Variants in BRINP1 observed in about 807,000 individuals in gnomAD.
BRINP1 encodes the protein BMP/retinoic acid inducible neural specific 1, also known as BMP/retinoic acid-inducible neural-specific protein 1.
A neutral mutation model predicts 72.9 loss-of-function variants in BRINP1; 17 were observed. The ratio of observed to expected loss-of-function variants is 0.23; its 90% CI spans 0.16 to 0.35. The LOEUF (loss-of-function observed/expected upper bound fraction) is 0.35, where lower values mean the gene tolerates loss of function less well. Ranked by LOEUF, BRINP1 falls within the 10% of genes least tolerant of loss-of-function variation. BRINP1 has a pLI of 1.00. For missense variants in BRINP1, 850 were observed against 1,001.6 expected (o/e 0.85, Z 2.04); for synonymous variants, 418 against 378.5 (o/e 1.10, Z -1.21).
chr9:119,361,848 G>C lies in BRINP1; in HGVS notation c.-51+7208C>G, dbSNP rs558674585. ...AGACAGAGTCTCGCTCTGTCGCCCA[G>C]GCTGGAGTGCAGTGGTGCGATCTCA... is the stretch of plus-strand genomic sequence containing the variant. On this transcript the variant is annotated intron_variant, in intron 1 of 7. Coordinates refer to ENST00000265922, the MANE Select transcript of BRINP1 (RefSeq NM_014618.3). Among the ~76,000 whole-genome samples the C allele has an allele frequency of 7.6e-4, 111 of 145,350 alleles. 2 individuals are homozygous for C. The highest frequency in any genetic ancestry group is 2.6e-3 in the African/African-American group (100 of 38,242).
chr9:119,311,141 C>G (rs1428538194), intron 2 of BRINP1, among the ~76,000 whole-genome samples: 1 of 152,168 alleles, frequency 6.6e-6, no homozygotes, highest in Non-Finnish European at 1.5e-5. Flanking sequence ...ATGACAGCAA[C>G]TACTATATTT....
intron 3 of BRINP1, among the ~76,000 whole-genome samples, chr9:119,242,763 G>C (rs1160281455): frequency 1.3e-5 from 2 of 152,168 alleles, no homozygotes; most frequent in Non-Finnish European, 1.5e-5. Context: ...ATGAATGATA[G>C]ACATGTTTAA....
At chr9:119,316,370 G>A (rs1350568331) in intron 1 of BRINP1, among the ~76,000 whole-genome samples, 1 of 152,210 alleles carries the variant, frequency 6.6e-6, no homozygotes, top group Non-Finnish European at 1.5e-5. Flanking sequence ...TTACAGGCGT[G>A]AGCCACCGTG....
Position 119,166,973 on chromosome 9 carries a change from A to ATATT in BRINP1, c.*107_*110dup. ...TGAAGATTTTCCTCCTTTTCTTTGA[A>ATATT]TATTAATTACATTTTACAAATTTTT... On this transcript the variant is annotated 3_prime_UTR_variant, in exon 8 of 8. Transcript: ENST00000265922. The ATATT allele has an allele frequency of 1.7e-6, 2 of 1,166,320 alleles. No individual in the cohort carries two copies. Among genetic ancestry groups the ATATT allele is most frequent in the Non-Finnish European group, 2.4e-6 (2 of 822,418 alleles). The allele number at this position is 1,166,320 out of a possible 1,614,324, so 72.2% of individuals were successfully genotyped here.
At chr9:119,188,974 T>G (rs1829655186) in intron 7 of BRINP1, among the ~76,000 whole-genome samples, 1 of 152,086 alleles carries the variant, frequency 6.6e-6, no homozygotes, top group South Asian at 2.1e-4. Flanking sequence ...TGACCAAAAA[T>G]GACTGTAGCC....
intron 1 of BRINP1, among the ~76,000 whole-genome samples, chr9:119,358,279 C>T (rs1245167338): frequency 4.0e-5 from 6 of 151,848 alleles, no homozygotes; most frequent in Admixed American, 3.9e-4. Flanking sequence ...GATGAATACC[C>T]TGTCTTATAC....
At chr9:119,170,067 A>T (rs1221773827) in intron 7 of BRINP1, among the ~76,000 whole-genome samples, 1 of 152,216 alleles carries the variant, frequency 6.6e-6, no homozygotes, top group East Asian at 1.9e-4. Flanking sequence ...TCTAAAAAGC[A>T]GAGCGCCTCT....
intron 5 of BRINP1, among the ~76,000 whole-genome samples, chr9:119,230,099 G>C (rs770746970): frequency 9.4e-5 from 14 of 148,492 alleles, no homozygotes; most frequent in Admixed American, 6.0e-4. Context: ...TCAGGAATTG[G>C]AGAAAGGCTG....
chr9:119,263,326 C>T (rs1830515117), intron 2 of BRINP1, among the ~76,000 whole-genome samples: 1 of 152,170 alleles, frequency 6.6e-6, no homozygotes, highest in South Asian at 2.1e-4. Context: ...TGAAGTGCCT[C>T]TGAGGTCTCC....
intron 7 of BRINP1, among the ~76,000 whole-genome samples, chr9:119,191,046 C>T (rs1829678598): frequency 6.6e-6 from 1 of 151,864 alleles, no homozygotes; most frequent in Non-Finnish European, 1.5e-5. Context: ...ATAAGATCAC[C>T]TCAATTGATA....
At chr9:119,273,138 A>G (rs1393180204) in intron 2 of BRINP1, among the ~76,000 whole-genome samples, 3 of 152,372 alleles carry the variant, frequency 2.0e-5, no homozygotes, top group Non-Finnish European at 1.5e-5. Context: ...TATCTGCATC[A>G]GGAGACAAAA....
At chr9:119,347,968 T>C (rs1831466570) in intron 1 of BRINP1, among the ~76,000 whole-genome samples, 1 of 152,190 alleles carries the variant, frequency 6.6e-6, no homozygotes, top group Admixed American at 6.5e-5. Flanking sequence ...CACCGATGTA[T>C]CATTATCACC....
intron 2 of BRINP1, among the ~76,000 whole-genome samples, chr9:119,293,118 A>C (rs1458970012): frequency 6.6e-6 from 1 of 152,300 alleles, no homozygotes; most frequent in East Asian, 1.9e-4. Context: ...GCTTCTTATG[A>C]AAGCCCACAT....
chr9:119,335,187 A>T (rs892336831), intron 1 of BRINP1, among the ~76,000 whole-genome samples: 3 of 152,138 alleles, frequency 2.0e-5, no homozygotes, highest in Middle Eastern at 3.2e-3. Flanking sequence ...GAAACTGTTA[A>T]CCTAAGGCTG....
At chr9:119,277,010 G>A (rs930357531) in intron 2 of BRINP1, among the ~76,000 whole-genome samples, 2 of 152,058 alleles carry the variant, frequency 1.3e-5, no homozygotes, top group Non-Finnish European at 2.9e-5. Flanking sequence ...CTATTCTGCC[G>A]TCCATCCTTA....
chr9:119,180,490 T>C (rs1394335474), intron 7 of BRINP1, among the ~76,000 whole-genome samples: 1 of 120,564 alleles, frequency 8.3e-6, no homozygotes, highest in Non-Finnish European at 1.5e-5. Flanking sequence ...TGTGTGTGTG[T>C]GTGTGTGTGT....
intron 6 of BRINP1, 182 bp downstream of exon 6, chr9:119,213,737 A>C: frequency 1.5e-6 from 1 of 663,476 alleles, no homozygotes; most frequent in Non-Finnish European, 2.7e-6. Flanking sequence ...AATTTTATTC[A>C]GTTGAGATTT....
At chr9:119,175,081 ACAAT>A (rs1361258026) in intron 7 of BRINP1, among the ~76,000 whole-genome samples, 1 of 145,652 alleles carries the variant, frequency 6.9e-6, no homozygotes, top group Admixed American at 6.9e-5. Context: ...ACTAACCTGC[ACAAT>A]GTGCACATGT....
chr9:119,202,533 G>C (rs1314919293), intron 7 of BRINP1, among the ~76,000 whole-genome samples: 1 of 152,176 alleles, frequency 6.6e-6, no homozygotes, highest in Admixed American at 6.5e-5. Context: ...TCCAGTAATA[G>C]CTGAGACCAA....
Sources: gnomAD v4.1 joint callset for allele counts (sites outside exome capture counted in the v4.1 genomes callset) on GRCh38, gnomAD v4.1.1 for gene constraint, MANE v1.5 for transcripts, NCBI Gene and HGNC (gene_info 2026-07-23, HGNC 2026-07-21) for gene names.